ARHGAP15: variants seen among roughly 807,000 people sequenced by gnomAD.
The protein encoded by ARHGAP15 is rho GTPase-activating protein 15.
A neutral mutation model predicts 63.7 loss-of-function variants in ARHGAP15; 51 were observed. The ratio of observed to expected loss-of-function variants is 0.80; its 90% CI spans 0.64 to 1.01. The LOEUF (loss-of-function observed/expected upper bound fraction) is 1.01, where lower values mean the gene tolerates loss of function less well. Among genes scored for constraint, ARHGAP15 ranks in the 50% least tolerant of loss-of-function variants. The probability of loss-of-function intolerance (pLI) is 0.00; values close to 1 mark genes in which losing one functional copy is unlikely to be tolerated. For missense variants in ARHGAP15, 560 were observed against 564.6 expected (o/e 0.99, Z 0.08); for synonymous variants, 191 against 193.8 (o/e 0.99, Z 0.12).
At chr2:143,201,000 C>G (rs1692092669) in intron 2 of ARHGAP15, among the ~76,000 whole-genome samples, 1 of 152,042 alleles carries the variant, frequency 6.6e-6, no homozygotes, top group African/African-American at 2.4e-5. Context: ...TGAAGCACAA[C>G]AGGAATAGCT....
intron 10 of ARHGAP15, among the ~76,000 whole-genome samples, chr2:143,534,107 C>A (rs184028341): frequency 6.6e-6 from 1 of 152,140 alleles, no homozygotes; most frequent in Admixed American, 6.5e-5. Context: ...AATCGAGAGA[C>A]GAGGTGGAAG....
At chr2:143,372,151 C>A (rs1686586948) in intron 6 of ARHGAP15, among the ~76,000 whole-genome samples, 1 of 151,488 alleles carries the variant, frequency 6.6e-6, no homozygotes, top group Non-Finnish European at 1.5e-5. Context: ...ACCAATCTGG[C>A]AACATAGTGA....
At chr2:143,380,549 G>C (rs989229554) in intron 6 of ARHGAP15, among the ~76,000 whole-genome samples, 11 of 152,090 alleles carry the variant, frequency 7.2e-5, no homozygotes, top group African/African-American at 2.7e-4. Flanking sequence ...CATTTGATGA[G>C]AAACTTGATA....
At chr2:143,172,196 G>C (rs757336780) in intron 2 of ARHGAP15, 4 of 152,102 alleles carry the variant, frequency 2.6e-5, no homozygotes, top group Non-Finnish European at 5.9e-5. Flanking sequence ...TTAGCTTCAA[G>C]GAAGACTGGG....
chr2:143,616,402 G>T (rs1173737331), intron 11 of ARHGAP15, among the ~76,000 whole-genome samples: 1 of 152,090 alleles, frequency 6.6e-6, no homozygotes, highest in South Asian at 2.1e-4. Context: ...GTAGAAGACC[G>T]TTCCACCTCC....
At chr2:143,285,332 C>T (rs1443135065) in intron 6 of ARHGAP15, among the ~76,000 whole-genome samples, 1 of 151,624 alleles carries the variant, frequency 6.6e-6, no homozygotes, top group Non-Finnish European at 1.5e-5. Flanking sequence ...TATAAATATA[C>T]TAAAACATTA....
At chr2:143,497,209 C>T (rs1692854737) in intron 9 of ARHGAP15, among the ~76,000 whole-genome samples, 1 of 152,188 alleles carries the variant, frequency 6.6e-6, no homozygotes, top group African/African-American at 2.4e-5. Flanking sequence ...AAAACCTCCC[C>T]TTCCACCCCC....
chr2:143,170,006 G>A (rs1439781078), intron 2 of ARHGAP15, among the ~76,000 whole-genome samples: 3 of 151,900 alleles, frequency 2.0e-5, no homozygotes, highest in Non-Finnish European at 4.4e-5. Context: ...TATGCCACCT[G>A]TTTGTATAAA....
At chr2:143,240,524 C>G (rs1300121132) in intron 5 of ARHGAP15, among the ~76,000 whole-genome samples, 2 of 152,112 alleles carry the variant, frequency 1.3e-5, no homozygotes, top group Non-Finnish European at 2.9e-5. Context: ...GAGGGGCAAA[C>G]AAAAGATCTA....
chr2:143,367,790 T>A (rs1686360765), intron 6 of ARHGAP15, among the ~76,000 whole-genome samples: 1 of 152,042 alleles, frequency 6.6e-6, no homozygotes, highest in African/African-American at 2.4e-5. Flanking sequence ...ACAAACAGCA[T>A]TAATTTGAAT....
intron 13 of ARHGAP15, among the ~76,000 whole-genome samples, chr2:143,741,710 T>C (rs1685969871): frequency 6.6e-6 from 1 of 152,198 alleles, no homozygotes; most frequent in African/African-American, 2.4e-5. Flanking sequence ...TGTTTTAAAA[T>C]GGCAGCAGAG....
intron 11 of ARHGAP15, among the ~76,000 whole-genome samples, chr2:143,611,522 C>T (rs940633606): frequency 3.3e-5 from 5 of 152,166 alleles, no homozygotes; most frequent in South Asian, 2.1e-4. Context: ...CCAAGCACAG[C>T]GGCTGGCACA....
In ARHGAP15 at chr2:143,436,972, T is replaced by C. The variant is rs775494512; in HGVS notation, c.633T>C (p.Ser211=). The change falls in exon 8 of 14, where the codon TCT becomes TCC. Residue 211 remains serine, a synonymous_variant. Transcript: ENST00000295095. ...NLELFKIQRS[S]STELLSHYDS... ...AATTATTCAAAATCCAAAGATCCTC[T>C]AGCACTGAATTGCTAAGTCACTACG... 2.0e-5 allele frequency: 33 copies of C among 1,611,392 alleles called. No homozygotes were observed. The South Asian group carries it at 3.2e-4, about 16-fold the overall frequency.
At chr2:143,601,527 T>C (rs79270629) in intron 11 of ARHGAP15, 1 of 152,298 alleles carries the variant, frequency 6.6e-6, no homozygotes, top group East Asian at 1.9e-4. Context: ...AGTTGAGCTC[T>C]ATGATTATTC....
chr2:143,719,129 T>C (rs1466454125), intron 13 of ARHGAP15, among the ~76,000 whole-genome samples: 1 of 152,216 alleles, frequency 6.6e-6, no homozygotes, highest in East Asian at 1.9e-4. Flanking sequence ...ATAGGTTGGT[T>C]CTCTGGCACT....
Position 143,701,370 on chromosome 2 carries a change from G to C in ARHGAP15, c.1139-2049G>C, listed in dbSNP as rs1574859533. On this transcript the variant is annotated intron_variant, in intron 12 of 13. Coordinates refer to ENST00000295095, the MANE Select transcript of ARHGAP15 (RefSeq NM_018460.4). ...TAAGTACATCTTATTATTAAGAACTGTATTTGGCCTTAGTATCAGAGATCC... is the reference window on the plus strand; with the variant it reads ...TAAGTACATCTTATTATTAAGAACTCTATTTGGCCTTAGTATCAGAGATCC... Among the ~76,000 whole-genome samples the C allele has an allele frequency of 2.6e-5, 4 of 152,252 alleles. No individual in the cohort carries two copies. In the Middle Eastern group the frequency reaches 0.014, roughly 518 times the overall value.
In ARHGAP15 at chr2:143,286,701, G is replaced by A. The variant is rs530503133; in HGVS notation, c.474+36101G>A. Among the ~76,000 whole-genome samples, 8 of 152,196 alleles carry A rather than the reference G, an allele frequency of 5.3e-5. No individual in the cohort carries two copies. In the South Asian group the frequency reaches 1.2e-3, roughly 24 times the overall value. ...GGATTTAGTAAAATGGAAATGCATC[G>A]GCAGGAAATCATAAATTTGTTATTT... On this transcript the variant is annotated intron_variant, in intron 6 of 13. Coordinates refer to ENST00000295095, the MANE Select transcript of ARHGAP15 (RefSeq NM_018460.4).
At chr2:143,219,063 C>T (rs1393950545) in intron 4 of ARHGAP15, among the ~76,000 whole-genome samples, 1 of 152,172 alleles carries the variant, frequency 6.6e-6, no homozygotes, top group African/African-American at 2.4e-5. Flanking sequence ...CTTCCAATTG[C>T]TGGCCACTTT....
chr2:143,752,961 A>AC (rs1339190838), intron 13 of ARHGAP15, among the ~76,000 whole-genome samples: 14 of 152,100 alleles, frequency 9.2e-5, no homozygotes, highest in South Asian at 6.2e-4. Context: ...ACATAGTGAG[A>AC]CCCCATCTCT....
Sources: allele counts gnomAD v4.1 joint callset (sites outside exome capture counted in the v4.1 genomes callset), GRCh38; gene constraint gnomAD v4.1.1; transcripts MANE v1.5; gene names NCBI Gene and HGNC (gene_info 2026-07-23, HGNC 2026-07-21).